Variants in CCSER2 observed in about 807,000 individuals in gnomAD.
The protein encoded by CCSER2 is coiled-coil serine rich protein 2.
CCSER2 carries 46 observed loss-of-function variants against 92.3 expected under a neutral mutation model. The observed-to-expected ratio is 0.50, with a 90% confidence interval of 0.39 to 0.64. The LOEUF (loss-of-function observed/expected upper bound fraction) is 0.64, where lower values mean the gene tolerates loss of function less well. CCSER2 is among the 30% of genes least tolerant of loss of function. The pLI is 0.00. For missense variants in CCSER2, 1,244 were observed against 1,238.9 expected (o/e 1.00, Z -0.06); for synonymous variants, 433 against 431.4 (o/e 1.00, Z -0.04).
intron 9 of CCSER2, among the ~76,000 whole-genome samples, chr10:84,509,049 G>T (rs796333612): frequency 6.6e-6 from 1 of 152,148 alleles, no homozygotes; most frequent in Non-Finnish European, 1.5e-5. Context: ...CATTATGAGA[G>T]GTACTTATGT....
chr10:84,513,342 C>G, intron 9 of CCSER2, 107 bp from the exon 10 acceptor site: 1 of 819,144 alleles, frequency 1.2e-6, no homozygotes, highest in South Asian at 2.0e-5. Context: ...CACATATTTT[C>G]CATATTAAAG....
intron 9 of CCSER2, chr10:84,507,166 A>C (rs1849101764): frequency 1.1e-5 from 2 of 181,914 alleles, no homozygotes; most frequent in African/African-American, 4.8e-5. Flanking sequence ...CTAGGAAAAC[A>C]CAACAATAGC....
chr10:84,329,996 A>G (rs1055517026), intron 1 of CCSER2, among the ~76,000 whole-genome samples: 5 of 152,272 alleles, frequency 3.3e-5, no homozygotes, highest in Non-Finnish European at 5.9e-5. Flanking sequence ...AGCATAAGCC[A>G]TAGTTAAGAA....
At chr10:84,421,904 G>C (rs1057371996) in intron 4 of CCSER2, among the ~76,000 whole-genome samples, 4 of 152,192 alleles carry the variant, frequency 2.6e-5, no homozygotes, top group Admixed American at 2.6e-4. Flanking sequence ...ATGATCTAAT[G>C]GTGATAGATG....
At chr10:84,486,680 C>T (rs1027779132) in intron 9 of CCSER2, among the ~76,000 whole-genome samples, 5 of 152,140 alleles carry the variant, frequency 3.3e-5, no homozygotes, top group East Asian at 3.8e-4. Flanking sequence ...AAATTTTCTC[C>T]CCTTCTGTAG....
At chr10:84,391,760 C>T in intron 3 of CCSER2, 1 of 1,538,148 alleles carries the variant, frequency 6.5e-7, no homozygotes, top group South Asian at 1.1e-5. Context: ...GTATGAAGAC[C>T]CTGGTGCACC....
At chr10:84,349,839 C>G (rs748565302) in intron 1 of CCSER2, among the ~76,000 whole-genome samples, 34 of 152,118 alleles carry the variant, frequency 2.2e-4, no homozygotes, top group Non-Finnish European at 3.2e-4. Flanking sequence ...CACATAACAG[C>G]CAGAATGATC....
chr10:84,401,468 A>C (rs1046170006), intron 3 of CCSER2, among the ~76,000 whole-genome samples: 3 of 152,214 alleles, frequency 2.0e-5, no homozygotes, highest in Non-Finnish European at 4.4e-5. Context: ...TTAAAAGCAC[A>C]AACTACTAAA....
intron 1 of CCSER2, among the ~76,000 whole-genome samples, chr10:84,337,537 G>A (rs1304449254): frequency 6.6e-6 from 1 of 152,216 alleles, no homozygotes; most frequent in Non-Finnish European, 1.5e-5. Flanking sequence ...AGGAATTGTA[G>A]ACTGCTGGGA....
At position 84,514,096 on chromosome 10, in the gene CCSER2, A is replaced by G; in HGVS notation, c.2973A>G (p.Lys991=). ...CCCCCTCAGGCTCTTTCAAACAAAA[A>G]CAAACAAACAGCCCCCAACTAGAGC... ...LRPPSGSFKQ[K]QTNSPQLEPQ... is the part of the protein sequence containing the mutation. Residue 991 remains lysine (K), a synonymous_variant, in exon 10 of 10, where the codon AAA becomes AAG. Transcript: ENST00000372088. 1 of 1,536,118 alleles carries G rather than the reference A, an allele frequency of 6.5e-7. No individual in the cohort carries two copies. The highest frequency in any genetic ancestry group is 1.2e-5 in the South Asian group (1 of 84,058).
At chr10:84,495,994 C>A (rs1268338939) in intron 9 of CCSER2, among the ~76,000 whole-genome samples, 2 of 148,304 alleles carry the variant, frequency 1.3e-5, no homozygotes, top group Admixed American at 6.7e-5. Context: ...TCTGTTTTTT[C>A]TTTTCTGTAT....
chr10:84,374,708 T>G lies in CCSER2; in HGVS notation c.1614+893T>G, dbSNP rs534083235. Among the ~76,000 whole-genome samples the G allele has an allele frequency of 1.0e-3, 153 of 152,338 alleles. 2 individuals are homozygous for G. The South Asian group carries it at 0.031, about 31-fold the overall frequency. On this transcript the variant is annotated intron_variant, in intron 3 of 9. Transcript: ENST00000372088. ...TGCATATTTTAAGAAACATGGCAAG[T>G]AATGTGGATAATATGCCATATGGGT...
At chr10:84,426,996 A>G (rs961869592) in intron 5 of CCSER2, among the ~76,000 whole-genome samples, 6 of 152,186 alleles carry the variant, frequency 3.9e-5, no homozygotes, top group South Asian at 2.1e-4. Context: ...GGTGGACTCA[A>G]TTGTGCTTTT....
At chr10:84,407,121 A>G (rs534965263) in intron 3 of CCSER2, among the ~76,000 whole-genome samples, 6 of 152,300 alleles carry the variant, frequency 3.9e-5, no homozygotes, top group African/African-American at 1.4e-4. Context: ...GACTCCCACA[A>G]TTTAAATCTC....
At chr10:84,367,841 G>C (rs1250763921) in intron 1 of CCSER2, among the ~76,000 whole-genome samples, 3 of 151,504 alleles carry the variant, frequency 2.0e-5, no homozygotes, top group Admixed American at 2.0e-4. Context: ...GTTCTTATTA[G>C]GTTGTTCTGT....
At chr10:84,440,502 A>T (rs1293538085) in intron 6 of CCSER2, among the ~76,000 whole-genome samples, 1 of 151,784 alleles carries the variant, frequency 6.6e-6, no homozygotes, top group Non-Finnish European at 1.5e-5. Context: ...AGGCTTAATG[A>T]AAAAAACAGT....
At chr10:84,436,183 C>T (rs1351187985) in intron 5 of CCSER2, among the ~76,000 whole-genome samples, 1 of 150,144 alleles carries the variant, frequency 6.7e-6, no homozygotes, top group African/African-American at 2.5e-5. Flanking sequence ...AAAAATTAGC[C>T]GAGTGTGGTG....
At chr10:84,455,042 A>C (rs1171800106) in intron 6 of CCSER2, among the ~76,000 whole-genome samples, 1 of 152,094 alleles carries the variant, frequency 6.6e-6, no homozygotes, top group East Asian at 1.9e-4. Context: ...TCCCCTGCAC[A>C]TGCTCTCTTG....
At chr10:84,354,878 A>G (rs935646326) in intron 1 of CCSER2, among the ~76,000 whole-genome samples, 8 of 151,682 alleles carry the variant, frequency 5.3e-5, no homozygotes, top group Non-Finnish European at 1.2e-4. Flanking sequence ...GGGGAAAAAC[A>G]TCATGTCCAG....
Sources: gnomAD v4.1 joint callset for allele counts (sites outside exome capture counted in the v4.1 genomes callset) on GRCh38, gnomAD v4.1.1 for gene constraint, MANE v1.5 for transcripts, NCBI Gene and HGNC (gene_info 2026-07-23, HGNC 2026-07-21) for gene names.